Variants in MACROH2A1 observed in about 807,000 individuals in gnomAD.
MACROH2A1 encodes the protein macroH2A.1 histone, also known as core histone macro-H2A.1.
In MACROH2A1, 2 loss-of-function variants were observed where a neutral mutation model predicts 31.6. The ratio of observed to expected loss-of-function variants is 0.06; its 90% confidence interval spans 0.03 to 0.20. MACROH2A1 has a LOEUF of 0.20. Among genes scored for constraint, MACROH2A1 ranks in the 10% least tolerant of loss-of-function variants. The probability of loss-of-function intolerance (pLI) is 1.00; values close to 1 mark genes in which losing one functional copy is unlikely to be tolerated. For synonymous variants in MACROH2A1, 169 were observed against 189.6 expected, an observed-to-expected ratio of 0.89 and a Z score of 0.89; for missense variants, 230 against 474.0, an observed-to-expected ratio of 0.49 and a Z score of 4.78.
chr5:135,381,186 T>G lies in MACROH2A1; in HGVS notation c.172+7736A>C, dbSNP rs891285353. On this transcript the variant is annotated intron_variant, in intron 2 of 8. Transcript: ENST00000511689. ...GATAACCATGTGAAATAAAATTAACTTGATCTCTATCTCCCACCATATCAC... is the reference window on the plus strand; with the variant it reads ...GATAACCATGTGAAATAAAATTAACGTGATCTCTATCTCCCACCATATCAC... Among the ~76,000 whole-genome samples the G allele has an allele frequency of 1.2e-4, 19 of 152,234 alleles. 1 individual carries two copies. Among genetic ancestry groups the G allele is most frequent in the South Asian group, 1.2e-3 (6 of 4,828 alleles).
intron 1 of MACROH2A1, among the ~76,000 whole-genome samples, chr5:135,395,617 T>G (rs569948026): frequency 1.3e-4 from 20 of 152,148 alleles, no homozygotes; most frequent in Non-Finnish European, 2.5e-4. Flanking sequence ...CCTCTTCCGT[T>G]TACTCCTATC....
intron 5 of MACROH2A1, 93 bp downstream of exon 5, chr5:135,360,404 C>T (rs1762685025): frequency 6.0e-6 from 5 of 839,168 alleles, no homozygotes; most frequent in South Asian, 4.3e-5. Flanking sequence ...CTGGGAGTGG[C>T]CCCCGGGATC....
intron 2 of MACROH2A1, among the ~76,000 whole-genome samples, chr5:135,383,747 T>G (rs868346763): frequency 3.9e-5 from 4 of 103,566 alleles, no homozygotes; most frequent in Admixed American, 2.1e-4. Context: ...GTGTGTGTGT[T>G]TTAATTTTAG....
intron 8 of MACROH2A1, 74 bp from the exon 9 acceptor site, chr5:135,335,215 C>A: frequency 9.1e-7 from 1 of 1,103,070 alleles, no homozygotes. Context: ...CCTTACAGGC[C>A]ACCTCCCTCT....
At chr5:135,358,107 T>C (rs1203115022) in intron 5 of MACROH2A1, 3 of 983,340 alleles carry the variant, frequency 3.1e-6, no homozygotes, top group Non-Finnish European at 2.4e-6. Context: ...TTAAATGTGC[T>C]TTTTGTAAAA....
chr5:135,368,923 CCTT>C lies in MACROH2A1; in HGVS notation c.477+480_477+482del, dbSNP rs754681381. On this transcript the variant is annotated intron_variant, in intron 4 of 8. Coordinates refer to ENST00000511689, the MANE Select transcript of MACROH2A1 (RefSeq NM_138610.3). ...ACCTGAGTAATACATCCATTTTCCT[CCTT>C]GACAGAGGCAACCATTCTGGAGTGA... Among the ~76,000 whole-genome samples the C allele has an allele frequency of 1.6e-3, 247 of 152,218 alleles. 2 individuals carry two copies. Among genetic ancestry groups the C allele is most frequent in the Non-Finnish European group, 2.2e-3 (151 of 68,032 alleles).
In MACROH2A1 at chr5:135,374,703, G is replaced by A. The variant is rs10479095; in HGVS notation, c.173-4561C>T. Among the ~76,000 whole-genome samples the A allele has an allele frequency of 5.2e-3, 793 of 152,260 alleles. 8 individuals are homozygous for A. Among genetic ancestry groups the A allele is most frequent in the African/African-American group, 0.018 (732 of 41,542 alleles). ...TCTGTGGCTGGTCTAAAAGAAAAGC[G>A]ATTCTGAGAAAGATAACCAGGAAAA... On this transcript the variant is annotated intron_variant, in intron 2 of 8. Coordinates refer to ENST00000511689, the MANE Select transcript of MACROH2A1 (RefSeq NM_138610.3).
intron 8 of MACROH2A1, among the ~76,000 whole-genome samples, chr5:135,342,291 C>T (rs541442046): frequency 3.9e-5 from 6 of 152,308 alleles, no homozygotes; most frequent in African/African-American, 1.4e-4. Flanking sequence ...TCTAGAGCAA[C>T]CCTGAGATAC....
At chr5:135,362,982 T>G (rs1249113510) in intron 4 of MACROH2A1, 1 of 152,184 alleles carries the variant, frequency 6.6e-6, no homozygotes, top group African/African-American at 2.4e-5. Flanking sequence ...CTCTGAAGTT[T>G]GAACTCTGAA....
At chr5:135,379,390 T>TCC (rs1765346804) in intron 2 of MACROH2A1, among the ~76,000 whole-genome samples, 2 of 152,152 alleles carry the variant, frequency 1.3e-5, no homozygotes, top group African/African-American at 4.8e-5. Context: ...AAGGGAGGGA[T>TCC]CCAGGGTCAG....
chr5:135,349,661 C>A (rs764810077), intron 6 of MACROH2A1, among the ~76,000 whole-genome samples: 75 of 152,312 alleles, frequency 4.9e-4, no homozygotes, highest in Non-Finnish European at 5.9e-4. Context: ...TCTCCTCATC[C>A]TTCCAGATGA....
intron 2 of MACROH2A1, among the ~76,000 whole-genome samples, chr5:135,371,004 C>A (rs1191374285): frequency 1.3e-5 from 2 of 152,106 alleles, no homozygotes; most frequent in African/African-American, 4.8e-5. Context: ...TGAAAAAGCT[C>A]TAAGGAATAA....
chr5:135,353,028 A>G lies in MACROH2A1; in HGVS notation c.606T>C (p.Ser202=), dbSNP rs1197703261. The part of the protein sequence containing the change: ...FLGQKLNLIH[S]EISNLAGFEV... ...CAAAGCCGGCTAAATTACTGATTTC[A>G]CTGTGAATAAGGTTCAGCTGCAAAG... The change falls in exon 6 of 9, where the codon AGT becomes AGC. Residue 202 remains serine, a synonymous_variant. Coordinates refer to ENST00000511689, the MANE Select transcript of MACROH2A1 (RefSeq NM_138610.3). The G allele has an allele frequency of 6.2e-7, 1 of 1,603,656 alleles. No individual in the cohort carries two copies. Among genetic ancestry groups the G allele is most frequent in the Admixed American group, 1.7e-5 (1 of 59,986 alleles).
intron 5 of MACROH2A1, chr5:135,358,416 G>A (rs1483482696): frequency 1.4e-5 from 14 of 985,202 alleles, no homozygotes; most frequent in African/African-American, 1.7e-5. Context: ...TCCTGGATAT[G>A]TGACTCTTGG....
chr5:135,359,298 T>C, intron 5 of MACROH2A1: 1 of 985,404 alleles, frequency 1.0e-6, no homozygotes, highest in Non-Finnish European at 1.2e-6. Context: ...TAACTTTCAA[T>C]ACATTACCCA....
At chr5:135,355,982 A>G (rs1762126721) in intron 5 of MACROH2A1, 1 of 152,186 alleles carries the variant, frequency 6.6e-6, no homozygotes, top group Non-Finnish European at 1.5e-5. Flanking sequence ...GATTTCTGGG[A>G]ACTGTAAAAA....
rs1466149070 is a variant in MACROH2A1, at chr5:135,369,666, C to T, written c.280-63G>A. The T allele has an allele frequency of 1.2e-5, 16 of 1,295,714 alleles. No individual in the cohort carries two copies. The East Asian group carries it at 3.5e-4, about 28-fold the overall frequency. 80.3% of individuals were successfully genotyped at this position (1,295,714 alleles called of 1,614,324 possible). A position where few individuals can be genotyped will look rare whatever the true frequency, so the allele number is the denominator to read the frequency against. ...TACCCTGCTTCTAACCTTCAAGAAGCCAGCCCTGCCCAGGACAGTCTTGCT... is the reference window on the plus strand; with the variant it reads ...TACCCTGCTTCTAACCTTCAAGAAGTCAGCCCTGCCCAGGACAGTCTTGCT... On this transcript the variant is annotated intron_variant, in intron 3 of 8. Transcript: ENST00000511689. The surrounding 1 kb of genome is among the most constrained non-coding windows in gnomAD (Gnocchi z 4.3).
chr5:135,350,786 G>GCA (rs745589745), intron 6 of MACROH2A1: 71 of 1,254,602 alleles, frequency 5.7e-5, no homozygotes, highest in Non-Finnish European at 7.1e-5. Flanking sequence ...GACTGACCAT[G>GCA]CACACACACA....
At chr5:135,390,219 C>T (rs1411802333) in intron 1 of MACROH2A1, among the ~76,000 whole-genome samples, 1 of 152,226 alleles carries the variant, frequency 6.6e-6, no homozygotes, top group Non-Finnish European at 1.5e-5. Context: ...TGCCAGCCCT[C>T]CCAAATGTTG....
Sources: allele counts gnomAD v4.1 joint callset (sites outside exome capture counted in the v4.1 genomes callset), GRCh38; gene constraint gnomAD v4.1.1; non-coding constraint Gnocchi (gnomAD v3.1); transcripts MANE v1.5; gene names NCBI Gene and HGNC (gene_info 2026-07-23, HGNC 2026-07-21).